Variants in XIRP2 observed in about 807,000 individuals in gnomAD.
XIRP2 encodes the protein xin actin-binding repeat-containing protein 2.
A neutral mutation model predicts 277.0 loss-of-function variants in XIRP2; 236 were observed. The ratio of observed to expected loss-of-function variants is 0.85; its 90% CI spans 0.77 to 0.95. The LOEUF is 0.95. Ranked by LOEUF, XIRP2 falls within the 40% of genes least tolerant of loss-of-function variation. The pLI is 0.00. For missense variants in XIRP2, 4,640 were observed against 4,157.5 expected (o/e 1.12, Z -3.19); for synonymous variants, 1,490 against 1,416.5 (o/e 1.05, Z -1.17).
chr2:167,243,966 T>C lies in XIRP2; in HGVS notation c.2574T>C (p.Asp858=), dbSNP rs750084265. 1 of 1,614,058 alleles carries C rather than the reference T, an allele frequency of 6.2e-7. No individual in the cohort carries two copies. The highest frequency in any genetic ancestry group is 8.5e-7 in the Non-Finnish European group (1 of 1,179,966). Residue 858 remains aspartate (D), a synonymous_variant, in exon 9 of 11, where the codon GAT becomes GAC. Coordinates refer to ENST00000409195, the MANE Select transcript of XIRP2 (RefSeq NM_152381.6). ...TAGACATTCTAAAAGAAGTTCCTGA[T>C]GCAGATTCTCTACAACGTGAGGAGA... ...QPLDILKEVP[D]ADSLQREEII...
chr2:167,187,952 TGTTACA>T (rs1693205976), intron 3 of XIRP2, among the ~76,000 whole-genome samples: 2 of 152,334 alleles, frequency 1.3e-5, no homozygotes, highest in Admixed American at 1.3e-4. Context: ...CATTTTCAAC[TGTTACA>T]GCTTGCTCAA....
At chr2:167,119,864 G>T (rs1458801374) in intron 2 of XIRP2, among the ~76,000 whole-genome samples, 1 of 152,102 alleles carries the variant, frequency 6.6e-6, no homozygotes, top group Non-Finnish European at 1.5e-5. Flanking sequence ...TGTCATGCAT[G>T]CAAAGTGCTG....
intron 2 of XIRP2, among the ~76,000 whole-genome samples, chr2:167,013,420 G>A (rs1384676740): frequency 1.3e-5 from 2 of 151,314 alleles, no homozygotes; most frequent in African/African-American, 4.8e-5. Flanking sequence ...ATAAACATAA[G>A]AATCAGCTGC....
At chr2:167,026,188 T>G (rs1425124233) in intron 2 of XIRP2, among the ~76,000 whole-genome samples, 4 of 152,208 alleles carry the variant, frequency 2.6e-5, no homozygotes, top group African/African-American at 9.6e-5. Flanking sequence ...GTTGTTGAAT[T>G]GATCCCTTTA....
At chr2:167,173,597 T>C (rs114224242) in intron 3 of XIRP2, among the ~76,000 whole-genome samples, 6,020 of 152,298 alleles carry the variant, frequency 0.04, 130 homozygotes, top group Non-Finnish European at 0.051. Context: ...AACATGAGAG[T>C]GCAGATATCT....
rs570909799 is a variant in XIRP2, at chr2:167,227,844, ATAAT to A, written c.858+9552_858+9555del. On this transcript the variant is annotated intron_variant, in intron 5 of 10. Coordinates refer to ENST00000409195, the MANE Select transcript of XIRP2 (RefSeq NM_152381.6). ...TTTAATTTATTAGATTGATACACCA[ATAAT>A]TAATTAAGACTGAAACTTTACTTCA... 4.1e-3 allele frequency among the ~76,000 whole-genome samples: 618 copies of A among 152,310 alleles called. 4 individuals are homozygous for A. Among genetic ancestry groups the A allele is most frequent in the African/African-American group, 0.014 (581 of 41,562 alleles).
intron 5 of XIRP2, among the ~76,000 whole-genome samples, chr2:167,225,566 G>A (rs185908344): frequency 5.1e-4 from 77 of 151,710 alleles, no homozygotes; most frequent in African/African-American, 1.7e-3. Context: ...CTTTTTTTTC[G>A]ACACAGGTGA....
chr2:166,946,201 G>A (rs966031653), intron 2 of XIRP2, among the ~76,000 whole-genome samples: 1 of 152,148 alleles, frequency 6.6e-6, no homozygotes, highest in Non-Finnish European at 1.5e-5. Flanking sequence ...GAGCTAAAAG[G>A]AGAGTATCCT....
chr2:167,180,157 C>A (rs1692974121), intron 3 of XIRP2, among the ~76,000 whole-genome samples: 1 of 152,068 alleles, frequency 6.6e-6, no homozygotes, highest in Non-Finnish European at 1.5e-5. Flanking sequence ...TTATTCATTA[C>A]TTTTTAATCT....
chr2:167,185,315 T>C (rs1048389334), intron 3 of XIRP2, among the ~76,000 whole-genome samples: 1 of 152,166 alleles, frequency 6.6e-6, no homozygotes, highest in African/African-American at 2.4e-5. Context: ...CTGACCATTT[T>C]TTGTTGGTCT....
rs1695590927 is a variant in XIRP2, at chr2:167,254,047, G to T, written c.10571G>T (p.Arg3524Ile). Residue 3524 changes from arginine (R) to isoleucine (I), a missense_variant, in exon 10 of 11, where the codon AGA becomes ATA. Coordinates refer to ENST00000409195, the MANE Select transcript of XIRP2 (RefSeq NM_152381.6). ...TTATTTTTAGAAGCTGCTGCTCCAA[G>T]ACAAGGAAATATGTATACTTTGTCA... ...SAFISEAAAP[R>I]QGNMYTLSKD... 2 of 1,593,114 alleles carry T rather than the reference G, an allele frequency of 1.3e-6. No homozygotes were observed. Among genetic ancestry groups the T allele is most frequent in the Non-Finnish European group, 8.5e-7 (1 of 1,169,860 alleles).
At chr2:166,920,284 G>A (rs1685003277) in intron 2 of XIRP2, among the ~76,000 whole-genome samples, 1 of 152,092 alleles carries the variant, frequency 6.6e-6, no homozygotes, top group Non-Finnish European at 1.5e-5. Flanking sequence ...TTGCCCAAGA[G>A]TACACCATTG....
intron 2 of XIRP2, among the ~76,000 whole-genome samples, chr2:167,027,267 C>T (rs1428925065): frequency 2.6e-5 from 4 of 152,094 alleles, no homozygotes; most frequent in Non-Finnish European, 4.4e-5. Flanking sequence ...CCTTCCATCA[C>T]TGATACCCTT....
intron 2 of XIRP2, among the ~76,000 whole-genome samples, chr2:167,103,972 GTCAC>G (rs1690550595): frequency 6.6e-6 from 1 of 152,142 alleles, no homozygotes; most frequent in Admixed American, 6.6e-5. Context: ...GGAGTCAGTA[GTCAC>G]TCCTAGTGAG....
At chr2:167,086,695 A>G (rs1689955160) in intron 2 of XIRP2, among the ~76,000 whole-genome samples, 1 of 151,438 alleles carries the variant, frequency 6.6e-6, no homozygotes, top group Non-Finnish European at 1.5e-5. Flanking sequence ...CATTCATTTC[A>G]TCTTCCATTG....
intron 2 of XIRP2, among the ~76,000 whole-genome samples, chr2:166,943,033 C>T (rs1429734197): frequency 6.6e-6 from 1 of 151,768 alleles, no homozygotes; most frequent in Non-Finnish European, 1.5e-5. Flanking sequence ...AATTTAATAC[C>T]ATTAAATACA....
chr2:166,911,567 T>A (rs1684700745), intron 2 of XIRP2, among the ~76,000 whole-genome samples: 1 of 152,200 alleles, frequency 6.6e-6, no homozygotes, highest in South Asian at 2.1e-4. Flanking sequence ...TCATCCAATT[T>A]TCCAGTCTGT....
rs1034972262 is a variant in XIRP2 at position 167,060,573 on chromosome 2, C to T, written c.409-75336C>T. Among the ~76,000 whole-genome samples the T allele has an allele frequency of 3.9e-5, 6 of 151,954 alleles. No homozygotes were observed. The South Asian group carries it at 1.2e-3, about 31-fold the overall frequency. ...GTTCATTCTTTTGAGTATAAATATC[C>T]AATTGACTCAGTATCATTTATTGAA... On this transcript the variant is annotated intron_variant, in intron 2 of 10. Transcript: ENST00000409195.
At chr2:167,143,849 A>G (rs895999462) in intron 3 of XIRP2, among the ~76,000 whole-genome samples, 26 of 152,124 alleles carry the variant, frequency 1.7e-4, no homozygotes, top group African/African-American at 6.0e-4. Context: ...GACATGGGCA[A>G]TAGAAAAAAA....
Sources: gnomAD v4.1 joint callset for allele counts (sites outside exome capture counted in the v4.1 genomes callset) on GRCh38, gnomAD v4.1.1 for gene constraint, MANE v1.5 for transcripts, NCBI Gene and HGNC (gene_info 2026-07-23, HGNC 2026-07-21) for gene names.